The following ITGB3BP variants were observed in gnomAD, a reference collection of about 807,000 sequenced individuals.
The protein encoded by ITGB3BP is integrin subunit beta 3 binding protein.
A neutral mutation model predicts 29.1 loss-of-function variants in ITGB3BP; 27 were observed. The observed-to-expected ratio is 0.93, with a 90% CI of 0.68 to 1.28. ITGB3BP has a LOEUF of 1.28. Ranked by LOEUF, ITGB3BP falls within the 50% of genes most tolerant of loss-of-function variation. ITGB3BP has a pLI of 0.00. For missense variants in ITGB3BP, 192 were observed against 200.2 expected, an observed-to-expected ratio of 0.96 and a Z score of 0.25; for synonymous variants, 61 against 61.4, an observed-to-expected ratio of 0.99 and a Z score of 0.03.
intron 4 of ITGB3BP, among the ~76,000 whole-genome samples, chr1:63,470,553 C>G (rs1645178441): frequency 6.6e-6 from 1 of 152,202 alleles, no homozygotes; most frequent in Admixed American, 6.5e-5. Flanking sequence ...GTTTTTTCCA[C>G]ATCCAACATT....
intron 1 of ITGB3BP, among the ~76,000 whole-genome samples, chr1:63,509,626 G>C (rs183296363): frequency 1.3e-5 from 2 of 152,236 alleles, no homozygotes; most frequent in Admixed American, 1.3e-4. Flanking sequence ...ATACAGTACA[G>C]AAATTTAATC....
chr1:63,492,521 T>A (rs1645674824), intron 2 of ITGB3BP, among the ~76,000 whole-genome samples: 1 of 152,146 alleles, frequency 6.6e-6, no homozygotes, highest in South Asian at 2.1e-4. Flanking sequence ...AATCCTAGAA[T>A]CCATCTGAGA....
intron 4 of ITGB3BP, 144 bp downstream of exon 4, chr1:63,478,620 A>G: frequency 2.0e-6 from 1 of 507,054 alleles, no homozygotes; most frequent in Non-Finnish European, 3.4e-6. Context: ...CAACTAAGGT[A>G]TTCTACTTAC....
At chr1:63,507,397 A>C (rs1176161660) in intron 2 of ITGB3BP, among the ~76,000 whole-genome samples, 1 of 152,176 alleles carries the variant, frequency 6.6e-6, no homozygotes, top group Non-Finnish European at 1.5e-5. Context: ...CCATGATGAC[A>C]ATTTACTTCA....
At chr1:63,469,395 C>T (rs527256083) in intron 4 of ITGB3BP, among the ~76,000 whole-genome samples, 14 of 151,708 alleles carry the variant, frequency 9.2e-5, no homozygotes, top group South Asian at 2.1e-4. Context: ...GGCACGATCT[C>T]GGCTCACCAC....
chr1:63,493,088 A>ATGCGCGCG (rs1553164246), intron 2 of ITGB3BP, among the ~76,000 whole-genome samples: 1 of 148,726 alleles, frequency 6.7e-6, no homozygotes, highest in Non-Finnish European at 1.5e-5. Flanking sequence ...ACACACACAC[A>ATGCGCGCG]CGCGCGCGCG....
At chr1:63,444,708 A>G (rs932490318) in intron 8 of ITGB3BP, among the ~76,000 whole-genome samples, 2 of 150,144 alleles carry the variant, frequency 1.3e-5, no homozygotes, top group African/African-American at 4.9e-5. Context: ...ATATTTATAT[A>G]TTATCCTTAC....
Position 63,454,903 on chromosome 1 carries a change from A to G in ITGB3BP, c.320T>C (p.Leu107Ser). ...AAAAATGCAAACCTGTATACTACTT[A>G]AATTTTGCATTATCTCCATGATTTC... ...SEEIMEIMQNLSSIQALEGSR... is the reference protein window; with the variant it reads ...SEEIMEIMQNSSSIQALEGSR... Residue 107 changes from leucine to serine, a missense_variant, in exon 5 of 9, where the codon TTA (leucine) becomes TCA (serine). Coordinates refer to ENST00000271002, the MANE Select transcript of ITGB3BP (RefSeq NM_014288.5). The surrounding 1 kb of genome is among the most constrained non-coding windows in gnomAD (Gnocchi z 4.1). The G allele has an allele frequency of 6.5e-7, 1 of 1,528,942 alleles. No individual in the cohort carries two copies. The highest frequency in any genetic ancestry group is 9.1e-7 in the Non-Finnish European group (1 of 1,104,360). 94.7% of individuals were successfully genotyped at this position (1,528,942 alleles called of 1,614,324 possible).
At chr1:63,512,300 T>A (rs755103750) in intron 1 of ITGB3BP, among the ~76,000 whole-genome samples, 5 of 152,074 alleles carry the variant, frequency 3.3e-5, no homozygotes, top group Non-Finnish European at 5.9e-5. Context: ...TATGGTAGTA[T>A]CCTGAATAGG....
intron 2 of ITGB3BP, chr1:63,529,054 A>G (rs1266812361): frequency 6.6e-6 from 1 of 152,142 alleles, no homozygotes; most frequent in African/African-American, 2.4e-5. Context: ...TAAAACACAT[A>G]TTGCCATTTC....
intron 7 of ITGB3BP, among the ~76,000 whole-genome samples, chr1:63,448,390 C>A (rs1006386802): frequency 6.6e-6 from 1 of 151,256 alleles, no homozygotes; most frequent in Admixed American, 6.6e-5. Flanking sequence ...GTTCTGGGGT[C>A]CTGAAAGAGA....
chr1:63,487,841 G>T (rs1407591853), intron 3 of ITGB3BP, among the ~76,000 whole-genome samples: 1 of 151,964 alleles, frequency 6.6e-6, no homozygotes, highest in African/African-American at 2.4e-5. Flanking sequence ...GTTTACACTG[G>T]CATCACCACA....
chr1:63,496,213 C>T (rs1645784468), intron 2 of ITGB3BP, among the ~76,000 whole-genome samples: 1 of 152,068 alleles, frequency 6.6e-6, no homozygotes, highest in Non-Finnish European at 1.5e-5. Context: ...CCACCTTAGC[C>T]TCCTGAGTAA....
chr1:63,476,033 T>A (rs1645333681), intron 4 of ITGB3BP, among the ~76,000 whole-genome samples: 3 of 151,574 alleles, frequency 2.0e-5, no homozygotes, highest in Non-Finnish European at 4.4e-5. Flanking sequence ...TCATTTTCTT[T>A]TTTTTTTTAA....
At position 63,490,147 on chromosome 1, in the gene ITGB3BP, T is replaced by C. The variant is rs1034246095; in HGVS notation, c.120A>G (p.Gln40=). ...TTGTGGGAGAAGCAAATAGACTCAT[T>C]TGACAAGTTCCAGTTGTTGGAGAAT... ...ITYSPTTGTC[Q]MSLFASPTSS... The change falls in exon 3 of 9, where the codon CAA becomes CAG. Residue 40 remains glutamine, a synonymous_variant. Coordinates refer to ENST00000271002, the MANE Select transcript of ITGB3BP (RefSeq NM_014288.5). 1 of 1,607,374 alleles carries C rather than the reference T, an allele frequency of 6.2e-7. No individual in the cohort carries two copies. The highest frequency in any genetic ancestry group is 1.3e-5 in the African/African-American group (1 of 74,894).
chr1:63,526,508 C>G (rs188841338), upstream of ITGB3BP, among the ~76,000 whole-genome samples: 17 of 152,190 alleles, frequency 1.1e-4, no homozygotes, highest in East Asian at 3.3e-3. Context: ...GCAGCAGTGT[C>G]TTGAGTTTGT....
chr1:63,474,702 G>A (rs1340169829), intron 4 of ITGB3BP, among the ~76,000 whole-genome samples: 2 of 151,662 alleles, frequency 1.3e-5, no homozygotes, highest in African/African-American at 2.4e-5. Flanking sequence ...CAGCATGCTC[G>A]TTAAGAGTCA....
intron 2 of ITGB3BP, among the ~76,000 whole-genome samples, chr1:63,504,107 A>C (rs1646011372): frequency 1.3e-5 from 2 of 151,572 alleles, no homozygotes; most frequent in South Asian, 2.1e-4. Flanking sequence ...CTTGGGCAGT[A>C]TGGCCATTTT....
At chr1:63,458,787 TG>T (rs1277080882) in intron 4 of ITGB3BP, among the ~76,000 whole-genome samples, 1 of 152,178 alleles carries the variant, frequency 6.6e-6, no homozygotes, top group East Asian at 1.9e-4. Context: ...CCTGCAGTTA[TG>T]GGAGGGACCC....
Sources: allele counts gnomAD v4.1 joint callset (sites outside exome capture counted in the v4.1 genomes callset), GRCh38; gene constraint gnomAD v4.1.1; non-coding constraint Gnocchi (gnomAD v3.1); transcripts MANE v1.5; gene names NCBI Gene and HGNC (gene_info 2026-07-23, HGNC 2026-07-21).